ZC3H12B: variants seen among roughly 807,000 people sequenced by gnomAD.
The protein encoded by ZC3H12B is zinc finger CCCH-type containing 12B.
Under a neutral mutation model 43.9 loss-of-function variants are expected in ZC3H12B, and 7 were observed. That is an observed-to-expected ratio of 0.16 (90% CI 0.09 to 0.30). ZC3H12B has a LOEUF of 0.30. Among genes scored for constraint, ZC3H12B ranks in the 10% least tolerant of loss-of-function variants. The pLI is 1.00. For missense variants in ZC3H12B, 475 were observed against 670.2 expected (o/e 0.71, Z 3.22); for synonymous variants, 222 against 241.7 (o/e 0.92, Z 0.76).
At chrX:65,381,251 A>G (rs941919928) in intron 2 of ZC3H12B, among the ~76,000 whole-genome samples, 3 of 111,654 alleles carry the variant, frequency 2.7e-5, no homozygotes, top group Non-Finnish European at 5.6e-5. Flanking sequence ...ATAACAAACT[A>G]TCTCTCAGAC....
the ZC3H12B span, among the ~76,000 whole-genome samples, chrX:65,251,822 A>C: frequency 9.0e-6 from 1 of 111,397 alleles, no homozygotes; most frequent in African/African-American, 3.3e-5. Context: ...TTATCAGCTT[A>C]AGGAAATTTT....
At chrX:65,284,136 G>C in the ZC3H12B span, among the ~76,000 whole-genome samples, 1 of 108,856 alleles carries the variant, frequency 9.2e-6, no homozygotes, top group Admixed American at 9.9e-5. Flanking sequence ...ACCTAACCCA[G>C]CCATTACCAT....
At chrX:65,375,943 C>A (rs2066340343) in intron 2 of ZC3H12B, among the ~76,000 whole-genome samples, 1 of 111,895 alleles carries the variant, frequency 8.9e-6, no homozygotes, top group African/African-American at 3.2e-5. Flanking sequence ...TTGTCTTGCA[C>A]CTTAGGTACC....
At chrX:65,350,363 C>G in the ZC3H12B span, among the ~76,000 whole-genome samples, 534 of 111,670 alleles carry the variant, frequency 4.8e-3, 4 homozygotes, top group African/African-American at 0.016. Flanking sequence ...CTATTGATGA[C>G]AAACCCACAG....
At chrX:65,494,783 AAAAT>A (rs59246172) in intron 1 of ZC3H12B, among the ~76,000 whole-genome samples, 11,865 of 100,973 alleles carry the variant, frequency 0.12, 754 homozygotes, top group East Asian at 0.22. Flanking sequence ...TCTGTCCCAA[AAAAT>A]AAATAAATAA....
At chrX:65,441,433 T>C (rs758896173) in intron 3 of ZC3H12B, among the ~76,000 whole-genome samples, 2 of 111,841 alleles carry the variant, frequency 1.8e-5, no homozygotes, top group Admixed American at 9.5e-5. Flanking sequence ...ACAGGTAGGA[T>C]GTTTATCAGT....
the ZC3H12B span, among the ~76,000 whole-genome samples, chrX:65,119,030 T>G: frequency 9.0e-6 from 1 of 111,316 alleles, no homozygotes; most frequent in Admixed American, 9.6e-5. Context: ...GTGCCACATT[T>G]TCTTAATCCA....
chrX:65,074,750 A>G, the ZC3H12B span, among the ~76,000 whole-genome samples: 6 of 111,784 alleles, frequency 5.4e-5, no homozygotes, highest in African/African-American at 1.6e-4. Flanking sequence ...TGTGATATTG[A>G]AACTGTCTAG....
the ZC3H12B span, among the ~76,000 whole-genome samples, chrX:65,198,248 G>A: frequency 6.3e-5 from 7 of 111,944 alleles, no homozygotes; most frequent in Non-Finnish European, 1.1e-4. Context: ...TCTGACTTCC[G>A]ACTCAAGACA....
the ZC3H12B span, among the ~76,000 whole-genome samples, chrX:65,326,109 TAGGG>T: frequency 1.2e-3 from 135 of 111,453 alleles, 1 homozygote; most frequent in African/African-American, 4.2e-3. Context: ...GAAGAAAGCA[TAGGG>T]GCCTGAGCAA....
the ZC3H12B span, among the ~76,000 whole-genome samples, chrX:65,150,498 C>T: frequency 1.8e-5 from 2 of 109,644 alleles, no homozygotes; most frequent in African/African-American, 6.6e-5. Context: ...TGCCCCCGAC[C>T]CCCCAACAGG....
chrX:65,255,451 A>G, the ZC3H12B span, among the ~76,000 whole-genome samples: 2 of 112,204 alleles, frequency 1.8e-5, no homozygotes, highest in African/African-American at 6.5e-5. Context: ...AGCTTCATAA[A>G]TGCAGAAGAA....
chrX:65,506,175 C>A (rs960062759), exon 5 of ZC3H12B: 2 of 112,196 alleles, frequency 1.8e-5, no homozygotes, highest in African/African-American at 6.5e-5. Flanking sequence ...ATTACCACTG[C>A]ACAGCTATCA....
the ZC3H12B span, among the ~76,000 whole-genome samples, chrX:65,058,541 G>T: frequency 1.8e-5 from 2 of 112,172 alleles, no homozygotes; most frequent in African/African-American, 6.5e-5. Context: ...ACTTGAGGAG[G>T]CAGTCTGTCT....
chrX:65,233,423 C>A, the ZC3H12B span, among the ~76,000 whole-genome samples: 1 of 109,687 alleles, frequency 9.1e-6, no homozygotes, highest in Admixed American at 9.8e-5. Context: ...TGGAATAAAA[C>A]TACAAATCAA....
the ZC3H12B span, among the ~76,000 whole-genome samples, chrX:65,211,752 A>G: frequency 1.3e-3 from 110 of 85,412 alleles, no homozygotes; most frequent in African/African-American, 4.0e-3. Flanking sequence ...ATTATATAAT[A>G]TATTATATAT....
At chrX:65,480,872 A>G (rs2068055326) in intron 3 of ZC3H12B, among the ~76,000 whole-genome samples, 1 of 110,971 alleles carries the variant, frequency 9.0e-6, no homozygotes, top group Non-Finnish European at 1.9e-5. Context: ...GAGTACTACA[A>G]GGATGAAATA....
the ZC3H12B span, among the ~76,000 whole-genome samples, chrX:65,181,750 C>A: frequency 8.9e-6 from 1 of 111,842 alleles, no homozygotes; most frequent in African/African-American, 3.2e-5. Flanking sequence ...AGTTAGGAAA[C>A]AACAGATGCT....
the ZC3H12B span, among the ~76,000 whole-genome samples, chrX:65,232,812 A>G: frequency 6.6e-5 from 7 of 106,111 alleles, no homozygotes; most frequent in East Asian, 2.9e-4. Context: ...GAATGGATGG[A>G]AAAAAAAAAG....
Sources: gnomAD v4.1 joint callset for allele counts (sites outside exome capture counted in the v4.1 genomes callset) on GRCh38, gnomAD v4.1.1 for gene constraint, MANE v1.5 for transcripts, NCBI Gene and HGNC (gene_info 2026-07-23, HGNC 2026-07-21) for gene names.